Variants in DNPEP observed in about 807,000 individuals in gnomAD.
The protein encoded by DNPEP is aspartyl aminopeptidase.
Under a neutral mutation model 59.1 loss-of-function variants are expected in DNPEP, and 46 were observed. That is an observed-to-expected ratio of 0.78 (90% CI 0.61 to 0.99). The LOEUF (loss-of-function observed/expected upper bound fraction) is 0.99, where lower values mean the gene tolerates loss of function less well. DNPEP is among the 50% of genes least tolerant of loss of function. The probability of loss-of-function intolerance (pLI) is 0.00; values close to 1 mark genes in which losing one functional copy is unlikely to be tolerated. For synonymous variants in DNPEP, 229 were observed against 242.2 expected (o/e 0.95, Z 0.50); for missense variants, 617 against 649.9 (o/e 0.95, Z 0.55).
At chr2:219,389,237 A>G (rs1953971633), upstream of DNPEP, among the ~76,000 whole-genome samples, 1 of 152,190 alleles carries the variant, frequency 6.6e-6, no homozygotes, top group African/African-American at 2.4e-5. Flanking sequence ...AGTAGTGAGT[A>G]GCACGTTTAA....
Position 219,386,945 on chromosome 2 carries a change from C to T in DNPEP, c.166G>A (p.Gly56Ser), listed in dbSNP as rs1483504981. 1 of 1,613,878 alleles carries T rather than the reference C, an allele frequency of 6.2e-7. No homozygotes were observed. The highest frequency in any genetic ancestry group is 1.3e-5 in the African/African-American group (1 of 74,844). Reference sequence around the variant, plus strand: ...TCAGTCTCCTTGAGTTCACTGAAGCCAGCCTGGAGAAGGCGGTTGCGGCAT... The same window carrying T: ...TCAGTCTCCTTGAGTTCACTGAAGCTAGCCTGGAGAAGGCGGTTGCGGCAT... ...AECRNRLLQAGFSELKETEKW... is the reference protein window; with the variant it reads ...AECRNRLLQASFSELKETEKW... The change falls in exon 3 of 15, where the codon GGC (glycine) becomes AGC (serine). Residue 56 changes from glycine to serine, a missense_variant. By Grantham distance (56) the Gly-to-Ser change is moderately conservative (BLOSUM62 0). Coordinates refer to ENST00000273075, the MANE Select transcript of DNPEP (RefSeq NM_012100.4).
rs983692076 is a variant in DNPEP at position 219,374,262 on chromosome 2, G to A, written c.*30C>T. 6.2e-7 allele frequency: 1 copy of A among 1,604,932 alleles called. No individual in the cohort carries two copies. The highest frequency in any genetic ancestry group is 1.1e-5 in the South Asian group (1 of 90,900). ...GAGAACTTCCCCTCTCAGGTGCAAA[G>A]GGATGGCAGAGAAGTCTTTCCAAGA... On this transcript the variant is annotated 3_prime_UTR_variant, in exon 15 of 15. Coordinates refer to ENST00000273075, the MANE Select transcript of DNPEP (RefSeq NM_012100.4).
intron 13 of DNPEP, among the ~76,000 whole-genome samples, chr2:219,379,872 C>T (rs982474423): frequency 1.3e-5 from 2 of 151,940 alleles, no homozygotes; most frequent in Admixed American, 1.3e-4. Flanking sequence ...GAGCCGAGAT[C>T]GTGCCACTGC....
upstream of DNPEP, among the ~76,000 whole-genome samples, chr2:219,388,284 A>C (rs1474756395): frequency 1.2e-4 from 5 of 41,348 alleles, 1 homozygote; most frequent in South Asian, 8.6e-4. Flanking sequence ...GCTGTACCCC[A>C]CTACTCGCCC....
At chr2:219,378,239 G>A (rs1298313278) in intron 13 of DNPEP, among the ~76,000 whole-genome samples, 2 of 152,146 alleles carry the variant, frequency 1.3e-5, no homozygotes, top group African/African-American at 2.4e-5. Flanking sequence ...CATGGCCTAG[G>A]TATTCCTGTA....
At chr2:219,391,504 G>T (rs1474917799), upstream of DNPEP, among the ~76,000 whole-genome samples, 1 of 152,080 alleles carries the variant, frequency 6.6e-6, no homozygotes, top group East Asian at 1.9e-4. Flanking sequence ...TGTTTGGAAA[G>T]GTGATGGATT....
chr2:219,374,722 T>TGGGTAGGAAATGGG (rs1436019715), intron 14 of DNPEP, 133 bp downstream of exon 14: 2 of 1,085,880 alleles, frequency 1.8e-6, no homozygotes, highest in East Asian at 5.2e-5. Flanking sequence ...TTTTCCTACA[T>TGGGTAGGAAATGGG]GGCCCCAGCA....
At chr2:219,376,239 G>A (rs552815976) in intron 13 of DNPEP, among the ~76,000 whole-genome samples, 1 of 152,310 alleles carries the variant, frequency 6.6e-6, no homozygotes, top group African/African-American at 2.4e-5. Flanking sequence ...TGTAATCCCA[G>A]CACTTTGGGA....
chr2:219,399,361 G>A (rs1575005021), intron 1 of DNPEP: 1 of 442,562 alleles, frequency 2.3e-6, no homozygotes, highest in African/African-American at 2.0e-5. Flanking sequence ...AAACTGGCAG[G>A]TGTTTAAACT....
chr2:219,376,902 C>T (rs1243007359), intron 13 of DNPEP, among the ~76,000 whole-genome samples: 1 of 151,830 alleles, frequency 6.6e-6, no homozygotes, highest in East Asian at 1.9e-4. Context: ...TCAATCTTTG[C>T]AAGGCTAAGG....
intron 9 of DNPEP, 134 bp downstream of exon 9, chr2:219,384,232 C>G (rs923865766): frequency 1.2e-6 from 1 of 818,196 alleles, no homozygotes; most frequent in Admixed American, 2.6e-5. Flanking sequence ...CTGGTCCATC[C>G]AGCACCAGCA....
Position 219,385,631 on chromosome 2 carries a change from C to T in DNPEP, c.666G>A (p.Val222=), listed in dbSNP as rs201832630. ...GTPEPGPLNA[V]DERHHSVLMS... ...CCCCATGATCAGGAGACTCTCTTACCACAGCATTGAGAGGCCCTGGCTCAG... is the reference window on the plus strand; with the variant it reads ...CCCCATGATCAGGAGACTCTCTTACTACAGCATTGAGAGGCCCTGGCTCAG... Residue 222 remains valine (V), a splice_region_variant and synonymous_variant, in exon 7 of 15, where the codon GTG becomes GTA. Coordinates refer to ENST00000273075, the MANE Select transcript of DNPEP (RefSeq NM_012100.4). 20 of 1,612,882 alleles carry T rather than the reference C, an allele frequency of 1.2e-5. No homozygotes were observed. Among genetic ancestry groups the T allele is most frequent in the Non-Finnish European group, 1.6e-5 (19 of 1,179,474 alleles).
chr2:219,375,171 C>T (rs1953322556), intron 13 of DNPEP, 149 bp from the exon 14 acceptor site: 2 of 784,722 alleles, frequency 2.5e-6, no homozygotes, highest in Non-Finnish European at 4.0e-6. Flanking sequence ...ATGGCAGACC[C>T]CAAAGGACAA....
Position 219,386,282 on chromosome 2 carries a change from C to T in DNPEP, c.459+4G>A. 1 of 1,614,180 alleles carries T rather than the reference C, an allele frequency of 6.2e-7. No homozygotes were observed. Among genetic ancestry groups the T allele is most frequent in the Non-Finnish European group, 8.5e-7 (1 of 1,180,022 alleles). ...GCTCCGCCATCCCCAACCTCGGTTC[C>T]CACCTTGACAATGACGCGTCCAGCC... On this transcript the variant is annotated splice_donor_region_variant and intron_variant, in intron 5 of 14. Coordinates refer to ENST00000273075, the MANE Select transcript of DNPEP (RefSeq NM_012100.4).
upstream of DNPEP, among the ~76,000 whole-genome samples, chr2:219,390,108 G>T (rs1953991976): frequency 6.6e-6 from 1 of 152,196 alleles, no homozygotes; most frequent in African/African-American, 2.4e-5. Context: ...GGTGGCTCAC[G>T]CCTGTCATCC....
chr2:219,382,124 C>T lies in DNPEP; in HGVS notation c.952G>A (p.Ala318Thr). The T allele has an allele frequency of 6.2e-7, 1 of 1,611,394 alleles. No homozygotes were observed. The change falls in exon 11 of 15, where the codon GCA becomes ACA. Residue 318 changes from alanine (A) to threonine (T), a missense_variant. Transcript: ENST00000273075. ...GTCAGCAGTGACTGTGCTCCCTGTG[C>T]ACTCTCAGACCCCACCTGGCGACAG... is the stretch of plus-strand genomic sequence containing the variant. The part of the protein sequence containing the change: ...YDNEEVGSES[A>T]QGAQSLLTEL...
Position 219,372,237 on chromosome 2 carries a change from T to A in DNPEP, c.*2055A>T, listed in dbSNP as rs1484984370. Reference sequence around the variant, plus strand: ...ATTCTGTTATACAAAAGGAAACCATTACAAAAAGGCTAAGGCCCTTTTGTC... The same window carrying A: ...ATTCTGTTATACAAAAGGAAACCATAACAAAAAGGCTAAGGCCCTTTTGTC... On this transcript the variant is annotated 3_prime_UTR_variant, in exon 15 of 15. Coordinates refer to ENST00000273075, the MANE Select transcript of DNPEP (RefSeq NM_012100.4). 6.6e-6 allele frequency among the ~76,000 whole-genome samples: 1 copy of A among 152,196 alleles called. No homozygotes were observed. The highest frequency in any genetic ancestry group is 1.5e-5 in the Non-Finnish European group (1 of 68,034).
In DNPEP at chr2:219,387,178, T is replaced by A; in HGVS notation, c.37-15A>T. 3 of 1,551,916 alleles carry A rather than the reference T, an allele frequency of 1.9e-6. No individual in the cohort carries two copies. Among genetic ancestry groups the A allele is most frequent in the Non-Finnish European group, 2.6e-6 (3 of 1,147,378 alleles). On this transcript the variant is annotated splice_polypyrimidine_tract_variant and intron_variant, in intron 1 of 14. Transcript: ENST00000273075. ...TTCATGGCCACCTAGGGGAGGGGGATGCTCAGACTTTTACAAGGTCTGGGA... is the reference window on the plus strand; with the variant it reads ...TTCATGGCCACCTAGGGGAGGGGGAAGCTCAGACTTTTACAAGGTCTGGGA...
chr2:219,396,607 G>A (rs1954101213), intron 1 of DNPEP, among the ~76,000 whole-genome samples: 1 of 151,840 alleles, frequency 6.6e-6, no homozygotes, highest in South Asian at 2.1e-4. Flanking sequence ...GAAAAAAAAA[G>A]ATAAGGAATA....
Sources: allele counts gnomAD v4.1 joint callset (sites outside exome capture counted in the v4.1 genomes callset), GRCh38; gene constraint gnomAD v4.1.1; transcripts MANE v1.5; gene names NCBI Gene and HGNC (gene_info 2026-07-23, HGNC 2026-07-21).